Variants in TAPBPL observed in about 807,000 individuals in gnomAD.
TAPBPL encodes TAP binding protein like, also known as tapasin-related protein.
In TAPBPL, 32 loss-of-function variants were observed where a neutral mutation model predicts 44.8. The observed-to-expected ratio is 0.71, with a 90% CI of 0.54 to 0.96. The LOEUF is 0.96. Among genes scored for constraint, TAPBPL ranks in the 40% least tolerant of loss-of-function variants. The pLI is 0.00. For synonymous variants in TAPBPL, 230 were observed against 240.7 expected, an observed-to-expected ratio of 0.96 and a Z score of 0.41; for missense variants, 520 against 586.6, an observed-to-expected ratio of 0.89 and a Z score of 1.17.
At chr12:6,468,392 A>T (rs563751004), downstream of TAPBPL, among the ~76,000 whole-genome samples, 1 of 152,322 alleles carries the variant, frequency 6.6e-6, no homozygotes, top group Non-Finnish European at 1.5e-5. Flanking sequence ...GGCAAAGTCT[A>T]TGTAGGTGGA....
At position 6,453,236 on chromosome 12, in the gene TAPBPL, C is replaced by G; in HGVS notation, c.234C>G (p.Phe78Leu). 6.2e-7 allele frequency: 1 copy of G among 1,614,008 alleles called. No homozygotes were observed. Among genetic ancestry groups the G allele is most frequent in the Non-Finnish European group, 8.5e-7 (1 of 1,179,950 alleles). Reference protein sequence around the residue: ...PVLDDGSLEDFTDFQGGTLAQ... With the variant: ...PVLDDGSLEDLTDFQGGTLAQ... ...TGGACGATGGCTCCCTGGAGGACTT[C>G]ACCGATTTCCAAGGGGGCACACTGG... The change falls in exon 2 of 7, where the codon TTC (phenylalanine) becomes TTG (leucine). Residue 78 changes from phenylalanine (F) to leucine (L), a missense_variant. Transcript: ENST00000266556. This position sits in a 1 kb window ranked among gnomAD's most constrained non-coding sequence, Gnocchi z 4.8.
At chr12:6,470,263 A>C (rs889267034), downstream of TAPBPL, among the ~76,000 whole-genome samples, 2 of 151,656 alleles carry the variant, frequency 1.3e-5, no homozygotes, top group African/African-American at 4.8e-5. Context: ...AACCAGAATG[A>C]GGCGCCACTC....
chr12:6,462,682 C>G, downstream of TAPBPL: 1 of 847,122 alleles, frequency 1.2e-6, no homozygotes, highest in Non-Finnish European at 1.8e-6. Context: ...GCCAAGAGGA[C>G]GGATTCGCTC....
At chr12:6,466,015 G>C (rs2137008471), downstream of TAPBPL, 2 of 1,614,014 alleles carry the variant, frequency 1.2e-6, no homozygotes, top group Non-Finnish European at 1.7e-6. Context: ...GGAGGGCACA[G>C]AAACAAAGCA....
chr12:6,460,766 C>T, intron 5 of TAPBPL, 89 bp from the exon 6 acceptor site: 1 of 1,271,464 alleles, frequency 7.9e-7, no homozygotes, highest in Non-Finnish European at 1.1e-6. Context: ...ATCCTTAGCT[C>T]CTCCTCCCTG....
downstream of TAPBPL, chr12:6,465,999 AC>A: frequency 6.2e-7 from 1 of 1,614,184 alleles, no homozygotes; most frequent in Non-Finnish European, 8.5e-7. Context: ...GATGTCCACC[AC>A]CTGAGGAGGG....
Position 6,461,312 on chromosome 12 carries a change from C to T in TAPBPL, c.1291+374C>T, listed in dbSNP as rs1413862178. The T allele has an allele frequency of 2.8e-6, 3 of 1,063,150 alleles. No individual in the cohort carries two copies. In the African/African-American group the frequency reaches 5.0e-5, roughly 18 times the overall value. 65.9% of individuals were successfully genotyped at this position (1,063,150 alleles called of 1,614,324 possible). On this transcript the variant is annotated intron_variant, in intron 6 of 6. Transcript: ENST00000266556. ...TCACTGTGCACCCTGGGCTCATGCA[C>T]CAAGGCAGAGAACAGGAAGAAGTGA...
At chr12:6,460,470 T>C (rs979105627) in intron 5 of TAPBPL, among the ~76,000 whole-genome samples, 3 of 151,266 alleles carry the variant, frequency 2.0e-5, no homozygotes, top group Non-Finnish European at 4.4e-5. Flanking sequence ...TTTCACCATG[T>C]TGCCCAGGCT....
At chr12:6,462,385 G>A (rs1243253589), downstream of TAPBPL, 4 of 505,718 alleles carry the variant, frequency 7.9e-6, no homozygotes, top group Non-Finnish European at 1.4e-5. Context: ...AAGAGGTGAT[G>A]ACAGACACAC....
chr12:6,465,110 A>G, downstream of TAPBPL: 1 of 901,606 alleles, frequency 1.1e-6, no homozygotes, highest in Non-Finnish European at 1.6e-6. Flanking sequence ...TCTGCTTCCC[A>G]GGGGATCATA....
intron 6 of TAPBPL, chr12:6,461,512 G>A (rs1015974693): frequency 5.2e-6 from 5 of 954,626 alleles, no homozygotes; most frequent in Admixed American, 1.2e-4. Flanking sequence ...CAAAATAAAA[G>A]GCCCTTGTGT....
At chr12:6,460,753 A>T (rs889256000) in intron 5 of TAPBPL, 102 bp from the exon 6 acceptor site, 18 of 1,141,182 alleles carry the variant, frequency 1.6e-5, no homozygotes, top group Non-Finnish European at 2.1e-5. Flanking sequence ...ACTCACACAC[A>T]CAATCCTTAG....
chr12:6,458,754 G>A lies in TAPBPL; in HGVS notation c.1014G>A (p.Glu338=). The part of the protein sequence containing the change: ...PLDVVVTWTR[E]ELGGSPAQVS... ...ATGTGGTGGTGACGTGGACCCGAGA[G>A]GAGCTGGGTGGATCCCCAGCCCAAG... The change falls in exon 5 of 7, where the codon GAG becomes GAA. Residue 338 remains glutamate, a synonymous_variant. Coordinates refer to ENST00000266556, the MANE Select transcript of TAPBPL (RefSeq NM_018009.5). 1 of 1,614,182 alleles carries A rather than the reference G, an allele frequency of 6.2e-7. No homozygotes were observed. Among genetic ancestry groups the A allele is most frequent in the African/African-American group, 1.3e-5 (1 of 75,042 alleles).
At chr12:6,464,170 C>T (rs780360293), downstream of TAPBPL, 21 of 1,441,474 alleles carry the variant, frequency 1.5e-5, no homozygotes, top group South Asian at 2.5e-4. Flanking sequence ...CCTCCCTGCC[C>T]CTTCCCTTGG....
At position 6,453,782 on chromosome 12, in the gene TAPBPL, C is replaced by T. The variant is rs1949630997; in HGVS notation, c.565+66C>T. 2 of 1,476,676 alleles carry T rather than the reference C, an allele frequency of 1.4e-6. No homozygotes were observed. The highest frequency in any genetic ancestry group is 1.8e-6 in the Non-Finnish European group (2 of 1,118,140). 91.5% of individuals were successfully genotyped at this position (1,476,676 alleles called of 1,614,324 possible). A position where few individuals can be genotyped will look rare whatever the true frequency, so the allele number is the denominator to read the frequency against. On this transcript the variant is annotated intron_variant, in intron 3 of 6. Transcript: ENST00000266556. The surrounding 1 kb of genome is among the most constrained non-coding windows in gnomAD (Gnocchi z 4.8). ...CCTGTAATTCCAGAATTTTGGGATA[C>T]CGAGGTCGGTGGATCACCTGAGGTC...
In TAPBPL at chr12:6,453,441, C is replaced by T; in HGVS notation, c.296-6C>T. 1.2e-6 allele frequency: 2 copies of T among 1,613,878 alleles called. No individual in the cohort carries two copies. Among genetic ancestry groups the T allele is most frequent in the Admixed American group, 3.3e-5 (2 of 60,024 alleles). On this transcript the variant is annotated splice_region_variant and splice_polypyrimidine_tract_variant and intron_variant, in intron 2 of 6. Transcript: ENST00000266556. The surrounding 1 kb of genome is among the most constrained non-coding windows in gnomAD (Gnocchi z 4.8). ...TGCCCTCTGTGTGTGCCCTGCTTCT[C>T]CCCAGTGGACCTGGTCCAGATTCCC...
At chr12:6,465,249 A>G (rs900448425), downstream of TAPBPL, 10 of 449,120 alleles carry the variant, frequency 2.2e-5, no homozygotes, top group Non-Finnish European at 3.9e-5. Context: ...ATATTTAACC[A>G]ATTAGTTCAA....
downstream of TAPBPL, chr12:6,465,456 G>GTATATATA (rs1565526417): frequency 1.6e-4 from 13 of 81,634 alleles, no homozygotes; most frequent in South Asian, 7.0e-4. Flanking sequence ...ATATACATAT[G>GTATATATA]TGTATATATA....
downstream of TAPBPL, chr12:6,462,787 C>T (rs1482772249): frequency 9.5e-6 from 15 of 1,573,458 alleles, no homozygotes; most frequent in East Asian, 2.3e-5. Context: ...TGGAGACCTT[C>T]GAGGGGGGCC....
Sources: gnomAD v4.1 joint callset for allele counts (sites outside exome capture counted in the v4.1 genomes callset) on GRCh38, gnomAD v4.1.1 for gene constraint, Gnocchi (gnomAD v3.1) non-coding constraint, MANE v1.5 for transcripts, NCBI Gene and HGNC (gene_info 2026-07-23, HGNC 2026-07-21) for gene names.